The following CHRDL2 variants were observed in gnomAD, a reference collection of about 807,000 sequenced individuals.
CHRDL2 encodes the protein chordin like 2, also known as chordin-like protein 2.
A neutral mutation model predicts 54.3 loss-of-function variants in CHRDL2; 41 were observed. The ratio of observed to expected loss-of-function variants is 0.76; its 90% CI spans 0.59 to 0.98. The LOEUF is 0.98. CHRDL2 is among the 50% of genes least tolerant of loss of function. The probability of loss-of-function intolerance (pLI) is 0.00; values close to 1 mark genes in which losing one functional copy is unlikely to be tolerated. For synonymous variants in CHRDL2, 220 were observed against 224.3 expected (o/e 0.98, Z 0.17); for missense variants, 518 against 562.4 (o/e 0.92, Z 0.80).
At chr11:74,703,574 G>A (rs2033907519) in intron 7 of CHRDL2, 75 bp from the exon 8 acceptor site, 1 of 1,348,694 alleles carries the variant, frequency 7.4e-7, no homozygotes, top group Non-Finnish European at 1.0e-6. Context: ...AGCAGCGGGT[G>A]GGGTGGGCCC....
At position 74,697,213 on chromosome 11, in the gene CHRDL2, G is replaced by C. The variant is rs1396295971; in HGVS notation, c.1205C>G (p.Pro402Arg). The change falls in exon 10 of 11, where the codon CCC becomes CGC. Residue 402 changes from proline (P) to arginine (R), a missense_variant. Transcript: ENST00000376332. ...TCAGCCCAAGCTCCTACCTTCGTGG[G>C]GGCCAGCGAGCAGTCGGAAGTGCTG... is the stretch of plus-strand genomic sequence containing the variant. ...EAQHFRLLAG[P>R]HEGHWNVFLA... The C allele has an allele frequency of 6.2e-7, 1 of 1,613,552 alleles. No homozygotes were observed. Among genetic ancestry groups the C allele is most frequent in the Non-Finnish European group, 8.5e-7 (1 of 1,179,764 alleles).
chr11:74,721,512 C>G (rs765765164), intron 1 of CHRDL2, among the ~76,000 whole-genome samples: 12 of 152,320 alleles, frequency 7.9e-5, no homozygotes, highest in South Asian at 4.1e-4. Context: ...GGCCACAATC[C>G]CCACCCCACC....
At chr11:74,706,068 G>A (rs2034000306) in intron 6 of CHRDL2, among the ~76,000 whole-genome samples, 1 of 152,192 alleles carries the variant, frequency 6.6e-6, no homozygotes, top group South Asian at 2.1e-4. Flanking sequence ...AAGATACAGG[G>A]GGGTACAGAG....
At chr11:74,717,380 T>G (rs1324467092) in intron 2 of CHRDL2, among the ~76,000 whole-genome samples, 1 of 152,210 alleles carries the variant, frequency 6.6e-6, no homozygotes, top group Non-Finnish European at 1.5e-5. Context: ...AACTTGGACT[T>G]TGTCAACTGG....
At chr11:74,700,637 A>ATTTTTTTTTT (rs1478150277) in intron 9 of CHRDL2, among the ~76,000 whole-genome samples, 1 of 139,566 alleles carries the variant, frequency 7.2e-6, no homozygotes, top group African/African-American at 2.7e-5. Flanking sequence ...TATTATTATT[A>ATTTTTTTTTT]TTATTATTTT....
In CHRDL2 at chr11:74,703,373, G is replaced by T; in HGVS notation, c.878C>A (p.Thr293Asn). The change falls in exon 8 of 11, where the codon ACC becomes AAC. Residue 293 changes from threonine (T) to asparagine (N), a missense_variant. Physicochemically the swap from Thr to Asn is moderately conservative, Grantham distance 65 (BLOSUM62 0). Coordinates refer to ENST00000376332, the MANE Select transcript of CHRDL2 (RefSeq NM_001278473.3). ...ACGGCAGGGGTACTCGGTGGGACAG[G>T]TCACACGCTGGCAGTCCTGGCGGCC... Reference protein sequence around the residue: ...EDGRQDCQRVTCPTEYPCRHP... With the variant: ...EDGRQDCQRVNCPTEYPCRHP... 6.2e-7 allele frequency: 1 copy of T among 1,613,750 alleles called. No homozygotes were observed. The highest frequency in any genetic ancestry group is 8.5e-7 in the Non-Finnish European group (1 of 1,179,938).
At chr11:74,729,489 A>C (rs79005681) in intron 1 of CHRDL2, among the ~76,000 whole-genome samples, 9 of 152,360 alleles carry the variant, frequency 5.9e-5, no homozygotes, top group Non-Finnish European at 8.8e-5. Flanking sequence ...ATTTGAATAC[A>C]ACACTGAGCT....
chr11:74,721,540 A>G (rs2135275003), intron 1 of CHRDL2, among the ~76,000 whole-genome samples: 1 of 152,346 alleles, frequency 6.6e-6, no homozygotes, highest in East Asian at 1.9e-4. Context: ...AGAAGGTGAC[A>G]GGCACAAGGA....
intron 3 of CHRDL2, among the ~76,000 whole-genome samples, chr11:74,712,656 C>T (rs1489528965): frequency 5.9e-5 from 9 of 152,146 alleles, no homozygotes; most frequent in Non-Finnish European, 1.3e-4. Flanking sequence ...ATTCCAGAGC[C>T]CCGACCCGAG....
chr11:74,726,436 T>TC (rs2135279366), intron 1 of CHRDL2, among the ~76,000 whole-genome samples: 1 of 152,260 alleles, frequency 6.6e-6, no homozygotes, highest in South Asian at 2.1e-4. Context: ...GGCCTTAATT[T>TC]GTAAACAGAA....
chr11:74,724,709 C>G (rs1186243014), intron 1 of CHRDL2, among the ~76,000 whole-genome samples: 1 of 152,234 alleles, frequency 6.6e-6, no homozygotes, highest in Non-Finnish European at 1.5e-5. Flanking sequence ...GAAGCTGCCC[C>G]AAACTTCCAG....
At chr11:74,723,167 G>C (rs971642289) in intron 1 of CHRDL2, among the ~76,000 whole-genome samples, 5 of 152,160 alleles carry the variant, frequency 3.3e-5, no homozygotes, top group African/African-American at 1.2e-4. Context: ...GAAACACTTA[G>C]GAGGTACAAT....
At position 74,731,141 on chromosome 11, in the gene CHRDL2, G is replaced by A; in HGVS notation, c.-253C>T. 1 of 516,204 alleles carries A rather than the reference G, an allele frequency of 1.9e-6. No homozygotes were observed. Among genetic ancestry groups the A allele is most frequent in the South Asian group, 2.5e-5 (1 of 40,648 alleles). The allele number at this position is 516,204 out of a possible 1,614,324, so 32.0% of individuals were successfully genotyped here. A position where few individuals can be genotyped will look rare whatever the true frequency, so the allele number is the denominator to read the frequency against. ...AGGGAGAGATGGAGAGACGAAGGAA[G>A]GTCCAGCAGAAGGGAGAGGCGATCA... On this transcript the variant is annotated 5_prime_UTR_variant, in exon 1 of 11. Coordinates refer to ENST00000376332, the MANE Select transcript of CHRDL2 (RefSeq NM_001278473.3). This position sits in a 1 kb window ranked among gnomAD's most constrained non-coding sequence, Gnocchi z 4.4.
At chr11:74,701,423 T>G (rs2033805327) in intron 9 of CHRDL2, 3 of 538,606 alleles carry the variant, frequency 5.6e-6, no homozygotes, top group Non-Finnish European at 1.0e-5. Flanking sequence ...GGGACAGCCC[T>G]TCAGAGCCAC....
chr11:74,704,816 G>T, intron 6 of CHRDL2, 162 bp from the exon 7 acceptor site: 1 of 691,420 alleles, frequency 1.4e-6, no homozygotes, highest in Non-Finnish European at 2.4e-6. Context: ...TCTGGATGAG[G>T]TCTAAGATGT....
At chr11:74,720,089 G>A (rs2034469186) in intron 1 of CHRDL2, among the ~76,000 whole-genome samples, 2 of 152,206 alleles carry the variant, frequency 1.3e-5, no homozygotes, top group Non-Finnish European at 2.9e-5. Flanking sequence ...TTGAAATATG[G>A]AGAAGGGAAC....
intron 1 of CHRDL2, among the ~76,000 whole-genome samples, chr11:74,719,773 C>G (rs1385906107): frequency 6.6e-6 from 1 of 152,174 alleles, no homozygotes; most frequent in African/African-American, 2.4e-5. Flanking sequence ...TTGGCTATCT[C>G]TCCTACAATC....
chr11:74,708,975 A>G (rs2034101733), intron 4 of CHRDL2, among the ~76,000 whole-genome samples: 1 of 152,152 alleles, frequency 6.6e-6, no homozygotes, highest in Non-Finnish European at 1.5e-5. Flanking sequence ...AAGTGGGGTC[A>G]CACCCATTTG....
chr11:74,697,112 C>A lies in CHRDL2; in HGVS notation c.1213+93G>T, dbSNP rs537274454. The stretch of plus-strand genomic sequence containing the variant: ...GTCTGTGGCTGACAGCCCCTCCTCC[C>A]GGCACCAGCAGCCTGGGAACTCCCC... On this transcript the variant is annotated intron_variant, in intron 10 of 10. Coordinates refer to ENST00000376332, the MANE Select transcript of CHRDL2 (RefSeq NM_001278473.3). The A allele has an allele frequency of 4.2e-6, 4 of 963,060 alleles. No individual in the cohort carries two copies. In the African/African-American group the frequency reaches 6.4e-5, roughly 15 times the overall value. The allele number at this position is 963,060 out of a possible 1,614,324, so 59.7% of individuals were successfully genotyped here.
Sources: gnomAD v4.1 joint callset for allele counts (sites outside exome capture counted in the v4.1 genomes callset) on GRCh38, gnomAD v4.1.1 for gene constraint, Gnocchi (gnomAD v3.1) non-coding constraint, MANE v1.5 for transcripts, NCBI Gene and HGNC (gene_info 2026-07-23, HGNC 2026-07-21) for gene names.